COL4A4: variants seen among roughly 807,000 people sequenced by gnomAD.
COL4A4 encodes the protein collagen alpha-4(IV) chain.
COL4A4 carries 105 observed loss-of-function variants against 192.9 expected under a neutral mutation model. The observed-to-expected ratio is 0.54, with a 90% CI of 0.46 to 0.64. COL4A4 has a LOEUF of 0.64. Among genes scored for constraint, COL4A4 ranks in the 30% least tolerant of loss-of-function variants. The pLI is 0.00. For missense variants in COL4A4, 1,967 were observed against 2,169.3 expected, an observed-to-expected ratio of 0.91 and a Z score of 1.85; for synonymous variants, 762 against 769.9, an observed-to-expected ratio of 0.99 and a Z score of 0.17.
the COL4A4 span, among the ~76,000 whole-genome samples, chr2:226,972,746 C>T: frequency 6.6e-6 from 1 of 152,184 alleles, no homozygotes; most frequent in East Asian, 1.9e-4. Flanking sequence ...CAGGGGCTCT[C>T]TGCTCACACT....
At chr2:227,094,371 T>A in intron 19 of COL4A4, 82 bp from the exon 20 acceptor site, 1 of 1,424,816 alleles carries the variant, frequency 7.0e-7, no homozygotes, top group Non-Finnish European at 9.7e-7. Context: ...TGGTACACAC[T>A]TGCTTAGGTT....
At chr2:227,035,715 AT>A (rs1174857981) in intron 37 of COL4A4, among the ~76,000 whole-genome samples, 1 of 152,156 alleles carries the variant, frequency 6.6e-6, no homozygotes, top group African/African-American at 2.4e-5. Context: ...ATTTATTGCA[AT>A]CTATCTGAAA....
rs117181365 is a variant in COL4A4, at chr2:227,022,142, G to C, written c.4122C>G (p.Asp1374Glu). The C allele has an allele frequency of 6.2e-7, 1 of 1,614,036 alleles. No homozygotes were observed. Among genetic ancestry groups the C allele is most frequent in the Non-Finnish European group, 8.5e-7 (1 of 1,180,044 alleles). The change falls in exon 44 of 48, where the codon GAC becomes GAG. Residue 1374 changes from aspartate to glutamate, a missense_variant. Physicochemically the swap from Asp to Glu is conservative, Grantham distance 45. Coordinates refer to ENST00000396625, the MANE Select transcript of COL4A4 (RefSeq NM_000092.5). ...CAGGAAGGCCTGGGATTCGGGGACA[G>C]TCATCCACATCTGCAGGTGGCCCCG... is the stretch of plus-strand genomic sequence containing the variant. The part of the protein sequence containing the change: ...GEPGPPADVD[D>E]CPRIPGLPGA...
intron 25 of COL4A4, among the ~76,000 whole-genome samples, chr2:227,063,941 C>T (rs557180803): frequency 1.4e-4 from 21 of 151,966 alleles, no homozygotes; most frequent in Admixed American, 3.3e-4. Flanking sequence ...GATATTTTAG[C>T]ATCTTAAGGA....
At chr2:226,977,064 G>A in the COL4A4 span, among the ~76,000 whole-genome samples, 1 of 152,174 alleles carries the variant, frequency 6.6e-6, no homozygotes, top group Non-Finnish European at 1.5e-5. Flanking sequence ...TCAGAAACAA[G>A]CCACTGCTCT....
At position 227,143,220 on chromosome 2, in the gene COL4A4, T is replaced by C. The variant is rs147642193; in HGVS notation, c.114+1296A>G. On this transcript the variant is annotated intron_variant, in intron 3 of 47. Coordinates refer to ENST00000396625, the MANE Select transcript of COL4A4 (RefSeq NM_000092.5). Reference sequence around the variant, plus strand: ...ATCAGACCACATACCATACTTTGTTTAACCAGTTGTTGTTGAAGGAAATTT... The same window carrying C: ...ATCAGACCACATACCATACTTTGTTCAACCAGTTGTTGTTGAAGGAAATTT... 2.1e-3 allele frequency among the ~76,000 whole-genome samples: 324 copies of C among 152,354 alleles called. 1 individual carries two copies. The highest frequency in any genetic ancestry group is 7.2e-3 in the African/African-American group (299 of 41,584).
intron 37 of COL4A4, among the ~76,000 whole-genome samples, chr2:227,034,751 G>A (rs1462321815): frequency 8.4e-6 from 1 of 118,736 alleles, no homozygotes; most frequent in African/African-American, 3.4e-5. Flanking sequence ...AGAGTGTGAT[G>A]TTCCCCTTCC....
intron 25 of COL4A4, among the ~76,000 whole-genome samples, chr2:227,076,371 T>C (rs2059024747): frequency 6.6e-6 from 1 of 151,990 alleles, no homozygotes; most frequent in African/African-American, 2.4e-5. Context: ...ACAAACCTGA[T>C]AAAAACAAGC....
chr2:227,035,656 G>A (rs1440490166), intron 37 of COL4A4, among the ~76,000 whole-genome samples: 2 of 152,020 alleles, frequency 1.3e-5, no homozygotes, highest in African/African-American at 4.8e-5. Context: ...AACGTTTCAA[G>A]TTTGCACCAA....
intron 23 of COL4A4, among the ~76,000 whole-genome samples, chr2:227,081,381 C>G (rs868822983): frequency 7.2e-5 from 11 of 152,180 alleles, no homozygotes; most frequent in African/African-American, 2.7e-4. Context: ...GCTTCCTGCC[C>G]TTGGACATCA....
intron 8 of COL4A4, among the ~76,000 whole-genome samples, chr2:227,113,117 A>G (rs937324084): frequency 2.0e-5 from 3 of 152,186 alleles, no homozygotes; most frequent in Non-Finnish European, 4.4e-5. Context: ...TCTATGTTTA[A>G]TTTACTGAGG....
At chr2:226,989,378 T>TA in the COL4A4 span, among the ~76,000 whole-genome samples, 1 of 152,152 alleles carries the variant, frequency 6.6e-6, no homozygotes. Flanking sequence ...TACTGTTGGG[T>TA]AACGGGGTAT....
chr2:226,995,721 G>T, the COL4A4 span: 1 of 588,908 alleles, frequency 1.7e-6, no homozygotes, highest in Non-Finnish European at 3.0e-6. Flanking sequence ...GCCTTCTCCT[G>T]GCCTTGTTCT....
At chr2:227,150,002 T>C (rs2063819954) in intron 1 of COL4A4, among the ~76,000 whole-genome samples, 1 of 152,228 alleles carries the variant, frequency 6.6e-6, no homozygotes. Flanking sequence ...ATATAATCTC[T>C]ATGACAATAG....
the COL4A4 span, among the ~76,000 whole-genome samples, chr2:226,986,372 C>A: frequency 6.6e-6 from 1 of 152,106 alleles, no homozygotes; most frequent in East Asian, 1.9e-4. Context: ...TTAGTTTCGA[C>A]AAATGTACTG....
chr2:227,045,071 G>A (rs935124882), intron 35 of COL4A4, among the ~76,000 whole-genome samples: 1 of 152,116 alleles, frequency 6.6e-6, no homozygotes, highest in African/African-American at 2.4e-5. Flanking sequence ...ACTACCCTGA[G>A]CTTATGAAAT....
At chr2:227,145,006 G>A (rs2063455268) in intron 2 of COL4A4, among the ~76,000 whole-genome samples, 1 of 152,182 alleles carries the variant, frequency 6.6e-6, no homozygotes, top group South Asian at 2.1e-4. Flanking sequence ...AACTGGACTG[G>A]GAGGATGGTT....
At position 227,060,193 on chromosome 2, in the gene COL4A4, C is replaced by T; in HGVS notation, c.2107G>A (p.Asp703Asn). ...GTGCCAGGTCTGCCTTTATGCCCAT[C>T]TGAACCACTCAGCCCAGGGGCACCT... ...PQGAPGLSGS[D>N]GHKGRPGTPG... The change falls in exon 27 of 48, where the codon GAT (aspartate) becomes AAT (asparagine). Residue 703 changes from aspartate (D) to asparagine (N), a missense_variant. Coordinates refer to ENST00000396625, the MANE Select transcript of COL4A4 (RefSeq NM_000092.5). The T allele has an allele frequency of 6.2e-7, 1 of 1,606,374 alleles. No individual in the cohort carries two copies. Among genetic ancestry groups the T allele is most frequent in the African/African-American group, 1.4e-5 (1 of 73,902 alleles).
Position 227,109,296 on chromosome 2 carries a change from A to G in COL4A4, c.595-10T>C, listed in dbSNP as rs758569270. On this transcript the variant is annotated splice_polypyrimidine_tract_variant and intron_variant, in intron 9 of 47. Coordinates refer to ENST00000396625, the MANE Select transcript of COL4A4 (RefSeq NM_000092.5). ...CTGCACCCCAAGATCCCTAAACATG[A>G]GAAAAATCAGTGCATCTGTTACCCA... The G allele has an allele frequency of 2.7e-5, 44 of 1,612,180 alleles. No homozygotes were observed. The highest frequency in any genetic ancestry group is 3.4e-6 in the Non-Finnish European group (4 of 1,178,286).
Sources: allele counts gnomAD v4.1 joint callset (sites outside exome capture counted in the v4.1 genomes callset), GRCh38; gene constraint gnomAD v4.1.1; transcripts MANE v1.5; gene names NCBI Gene and HGNC (gene_info 2026-07-23, HGNC 2026-07-21).